The following MAGI2 variants were observed in gnomAD, a reference collection of about 807,000 sequenced individuals.
MAGI2 encodes membrane associated guanylate kinase, WW and PDZ domain containing 2, also known as membrane-associated guanylate kinase, WW and PDZ domain-containing protein 2.
In MAGI2, 35 loss-of-function variants were observed where a neutral mutation model predicts 133.3. The observed-to-expected ratio is 0.26, with a 90% CI of 0.20 to 0.35. The LOEUF is 0.35. MAGI2 is among the 10% of genes least tolerant of loss of function. MAGI2 has a pLI of 1.00. For missense variants in MAGI2, 1,636 were observed against 1,863.4 expected (o/e 0.88, Z 2.25); for synonymous variants, 729 against 710.6 (o/e 1.03, Z -0.41).
At chr7:79,403,887 T>G (rs1451211839) in intron 1 of MAGI2, among the ~76,000 whole-genome samples, 1 of 152,156 alleles carries the variant, frequency 6.6e-6, no homozygotes, top group African/African-American at 2.4e-5. Flanking sequence ...ATGATATGAA[T>G]TTCTACATGT....
intron 2 of MAGI2, among the ~76,000 whole-genome samples, chr7:78,798,939 C>T (rs1261789211): frequency 6.6e-6 from 1 of 152,158 alleles, no homozygotes; most frequent in East Asian, 1.9e-4. Flanking sequence ...TGGTTACTAC[C>T]TTGCAAGAAG....
At chr7:79,179,176 T>C (rs903896738) in intron 1 of MAGI2, among the ~76,000 whole-genome samples, 2 of 152,010 alleles carry the variant, frequency 1.3e-5, no homozygotes, top group Non-Finnish European at 2.9e-5. Context: ...TTGTGATATT[T>C]TAATCTTTCA....
chr7:78,677,993 C>T (rs1003398742), intron 2 of MAGI2, among the ~76,000 whole-genome samples: 1 of 151,994 alleles, frequency 6.6e-6, no homozygotes, highest in Non-Finnish European at 1.5e-5. Flanking sequence ...AGAAAACTTC[C>T]AAGAAAGGGG....
chr7:78,961,360 C>G (rs749446300), intron 2 of MAGI2, among the ~76,000 whole-genome samples: 1 of 152,102 alleles, frequency 6.6e-6, no homozygotes, highest in African/African-American at 2.4e-5. Context: ...ACCACACCAT[C>G]TGGAGAAGGA....
At chr7:78,419,430 T>C (rs1444066478) in intron 6 of MAGI2, among the ~76,000 whole-genome samples, 1 of 151,630 alleles carries the variant, frequency 6.6e-6, no homozygotes, top group Non-Finnish European at 1.5e-5. Flanking sequence ...GACACAGGAC[T>C]AATAAGGACA....
At chr7:78,359,442 A>G (rs1792538598) in intron 7 of MAGI2, 1 of 152,216 alleles carries the variant, frequency 6.6e-6, no homozygotes, top group South Asian at 2.1e-4. Flanking sequence ...GAAATAAATT[A>G]CTTTCAAAGA....
intron 10 of MAGI2, among the ~76,000 whole-genome samples, chr7:78,214,195 G>A (rs1281973436): frequency 6.6e-6 from 1 of 152,130 alleles, no homozygotes; most frequent in African/African-American, 2.4e-5. Context: ...TACTTTGTGT[G>A]GTCTTTGCAT....
chr7:78,191,010 G>A (rs116844874), intron 12 of MAGI2, among the ~76,000 whole-genome samples: 1,958 of 152,258 alleles, frequency 0.013, 19 homozygotes, highest in Non-Finnish European at 0.018. Flanking sequence ...GAATAGTCAC[G>A]TTTGTCTAAA....
intron 2 of MAGI2, among the ~76,000 whole-genome samples, chr7:78,728,268 T>C (rs1440287532): frequency 6.6e-6 from 1 of 152,216 alleles, no homozygotes; most frequent in Non-Finnish European, 1.5e-5. Context: ...TTTTAGATTA[T>C]AGATTATTAT....
chr7:78,229,985 C>A (rs1789796539), intron 10 of MAGI2, among the ~76,000 whole-genome samples: 1 of 152,224 alleles, frequency 6.6e-6, no homozygotes, highest in Non-Finnish European at 1.5e-5. Context: ...AATAAACGTT[C>A]AGTTAACAGT....
At chr7:78,273,621 G>A (rs1562727526) in intron 9 of MAGI2, among the ~76,000 whole-genome samples, 1 of 152,000 alleles carries the variant, frequency 6.6e-6, no homozygotes, top group Non-Finnish European at 1.5e-5. Context: ...TTTCTTGGAG[G>A]CTTTGTTCAT....
chr7:78,920,250 A>T (rs1288697075), intron 2 of MAGI2, among the ~76,000 whole-genome samples: 1 of 152,252 alleles, frequency 6.6e-6, no homozygotes, highest in Middle Eastern at 3.4e-3. Flanking sequence ...CCTTTGGGCA[A>T]ATTATTTAGC....
At chr7:79,208,603 T>A (rs1378163085) in intron 1 of MAGI2, among the ~76,000 whole-genome samples, 1 of 151,940 alleles carries the variant, frequency 6.6e-6, no homozygotes, top group Non-Finnish European at 1.5e-5. Context: ...ATTATAGCCA[T>A]CATGGAAAAC....
chr7:79,102,669 A>C (rs1347925655), intron 1 of MAGI2, among the ~76,000 whole-genome samples: 1 of 152,186 alleles, frequency 6.6e-6, no homozygotes, highest in East Asian at 1.9e-4. Flanking sequence ...CATTTTAAAA[A>C]CCTGATCATT....
At chr7:79,186,883 T>A (rs1018868033) in intron 1 of MAGI2, among the ~76,000 whole-genome samples, 1 of 150,224 alleles carries the variant, frequency 6.7e-6, no homozygotes, top group African/African-American at 2.4e-5. Context: ...TTATATCACA[T>A]TAAACACCTA....
chr7:78,346,624 T>C lies in MAGI2; in HGVS notation c.1104-581A>G, dbSNP rs148714045. Among the ~76,000 whole-genome samples the C allele has an allele frequency of 1.1e-3, 161 of 152,302 alleles. 1 individual carries two copies. The highest frequency in any genetic ancestry group is 3.8e-3 in the African/African-American group (156 of 41,566). Reference sequence around the variant, plus strand: ...AAAAGTAGAGAATTCATATTCTACATGGTGAGAGGGCAAATTTGTAGGTAT... The same window carrying C: ...AAAAGTAGAGAATTCATATTCTACACGGTGAGAGGGCAAATTTGTAGGTAT... On this transcript the variant is annotated intron_variant, in intron 7 of 21. Coordinates refer to ENST00000354212, the MANE Select transcript of MAGI2 (RefSeq NM_012301.4).
rs142877457 is a variant in MAGI2 at position 78,235,183 on chromosome 7, A to G, written c.2047+20760T>C. ...AATTTGACCATCCTCCTGTAGCTTT[A>G]GAATTGTTGGCTGTAACCATTACTA... On this transcript the variant is annotated intron_variant, in intron 10 of 21. Transcript: ENST00000354212. Among the ~76,000 whole-genome samples, 362 of 152,312 alleles carry G rather than the reference A, an allele frequency of 2.4e-3. 1 individual carries two copies. Among genetic ancestry groups the G allele is most frequent in the Non-Finnish European group, 4.0e-3 (274 of 68,030 alleles).
intron 2 of MAGI2, among the ~76,000 whole-genome samples, chr7:78,819,056 T>C (rs1789854798): frequency 6.6e-6 from 1 of 152,136 alleles, no homozygotes; most frequent in African/African-American, 2.4e-5. Context: ...GAAATATTCA[T>C]AATAAAAGTG....
At position 78,924,613 on chromosome 7, in the gene MAGI2, A is replaced by G. The variant is rs572144699; in HGVS notation, c.418+82477T>C. On this transcript the variant is annotated intron_variant, in intron 2 of 21. Transcript: ENST00000354212. ...TCAGTTTGTCAGTATTTTATTGGGGATTTTTGAATCAATGTTCATCAAGGA... is the reference window on the plus strand; with the variant it reads ...TCAGTTTGTCAGTATTTTATTGGGGGTTTTTGAATCAATGTTCATCAAGGA... 1.7e-4 allele frequency among the ~76,000 whole-genome samples: 26 copies of G among 151,970 alleles called. No homozygotes were observed. In the South Asian group the frequency reaches 5.4e-3, roughly 32 times the overall value.
Sources: allele counts gnomAD v4.1 joint callset (sites outside exome capture counted in the v4.1 genomes callset), GRCh38; gene constraint gnomAD v4.1.1; transcripts MANE v1.5; gene names NCBI Gene and HGNC (gene_info 2026-07-23, HGNC 2026-07-21).